ERBB4: variants seen among roughly 807,000 people sequenced by gnomAD.
The protein encoded by ERBB4 is erb-b2 receptor tyrosine kinase 4.
Under a neutral mutation model 158.0 loss-of-function variants are expected in ERBB4, and 42 were observed. The ratio of observed to expected loss-of-function variants is 0.27; its 90% CI spans 0.21 to 0.34. The LOEUF is 0.34. ERBB4 is among the 10% of genes least tolerant of loss of function. The pLI is 1.00. For missense variants in ERBB4, 1,333 were observed against 1,624.1 expected, an observed-to-expected ratio of 0.82 and a Z score of 3.08; for synonymous variants, 583 against 558.7, an observed-to-expected ratio of 1.04 and a Z score of -0.61.
At chr2:212,219,575 GA>G (rs930681988) in intron 1 of ERBB4, among the ~76,000 whole-genome samples, 77 of 151,064 alleles carry the variant, frequency 5.1e-4, no homozygotes, top group African/African-American at 1.8e-3. Context: ...AGAATGGGGG[GA>G]AAAATAAAAA....
intron 1 of ERBB4, among the ~76,000 whole-genome samples, chr2:212,499,134 T>C (rs1417601496): frequency 1.3e-5 from 2 of 152,050 alleles, no homozygotes; most frequent in Non-Finnish European, 2.9e-5. Context: ...GTTCAAGTAA[T>C]CAGTTGTTAA....
At chr2:212,377,126 C>T (rs888723391) in intron 1 of ERBB4, among the ~76,000 whole-genome samples, 4 of 150,764 alleles carry the variant, frequency 2.7e-5, no homozygotes, top group East Asian at 1.9e-4. Context: ...ATAGCTCTTA[C>T]GTGATACTGT....
At chr2:212,096,016 G>C (rs2078922960) in intron 2 of ERBB4, among the ~76,000 whole-genome samples, 1 of 150,754 alleles carries the variant, frequency 6.6e-6, no homozygotes, top group Non-Finnish European at 1.5e-5. Context: ...CGAGAACCCA[G>C]AGCTATTTTC....
intron 25 of ERBB4, among the ~76,000 whole-genome samples, chr2:211,411,546 A>G (rs534113354): frequency 2.2e-4 from 33 of 152,348 alleles, no homozygotes; most frequent in African/African-American, 7.9e-4. Context: ...CCACACCTCT[A>G]AAGTCAAACA....
At chr2:212,001,952 A>G (rs936424290) in intron 2 of ERBB4, among the ~76,000 whole-genome samples, 1 of 152,140 alleles carries the variant, frequency 6.6e-6, no homozygotes, top group African/African-American at 2.4e-5. Flanking sequence ...AATTACACAA[A>G]CTTGGTAGTA....
At chr2:211,607,672 A>T (rs923694267) in intron 19 of ERBB4, among the ~76,000 whole-genome samples, 1 of 152,120 alleles carries the variant, frequency 6.6e-6, no homozygotes, top group African/African-American at 2.4e-5. Context: ...AGCAACAGGC[A>T]CCAAAAAGAT....
chr2:211,810,996 G>T (rs1430135039), intron 3 of ERBB4, among the ~76,000 whole-genome samples: 2 of 152,158 alleles, frequency 1.3e-5, no homozygotes, highest in African/African-American at 2.4e-5. Flanking sequence ...TTTAATTGGG[G>T]TGTTCAGCCC....
At chr2:211,545,288 G>A (rs1219443541) in intron 20 of ERBB4, among the ~76,000 whole-genome samples, 2 of 152,068 alleles carry the variant, frequency 1.3e-5, no homozygotes, top group South Asian at 2.1e-4. Flanking sequence ...CACAAATTGA[G>A]TGCACCCATG....
Position 211,702,024 on chromosome 2 carries a change from A to G in ERBB4, c.1432T>C (p.Phe478Leu). ...ACTATTCTCTGGTTGATTGTGCTGA[A>G]GAGTGTTGTCCAGTTAATGGTATGA... is the stretch of plus-strand genomic sequence containing the variant. ...YYHTINWTTL[F>L]STINQRIVIR... Residue 478 changes from phenylalanine (F) to leucine (L), a missense_variant, in exon 12 of 28, where the codon TTC (phenylalanine) becomes CTC (leucine). Transcript: ENST00000342788. 6.2e-7 allele frequency: 1 copy of G among 1,614,044 alleles called. No individual in the cohort carries two copies. The highest frequency in any genetic ancestry group is 8.5e-7 in the Non-Finnish European group (1 of 1,179,958).
intron 1 of ERBB4, among the ~76,000 whole-genome samples, chr2:212,162,060 C>T (rs936011222): frequency 2.0e-5 from 3 of 151,828 alleles, no homozygotes; most frequent in Non-Finnish European, 4.4e-5. Flanking sequence ...TACTACATCT[C>T]TTCTATAACC....
intron 2 of ERBB4, among the ~76,000 whole-genome samples, chr2:211,974,408 A>C (rs1006532253): frequency 6.6e-6 from 1 of 152,202 alleles, no homozygotes; most frequent in Non-Finnish European, 1.5e-5. Context: ...GAAGAATAAA[A>C]GAAAAGAGCA....
At chr2:212,511,459 A>G (rs1691516036) in intron 1 of ERBB4, among the ~76,000 whole-genome samples, 1 of 152,102 alleles carries the variant, frequency 6.6e-6, no homozygotes, top group South Asian at 2.1e-4. Flanking sequence ...AAAATTTAGG[A>G]CAATTTTAAA....
intron 1 of ERBB4, among the ~76,000 whole-genome samples, chr2:212,384,642 G>C (rs187784737): frequency 3.3e-4 from 50 of 151,572 alleles, no homozygotes; most frequent in African/African-American, 1.1e-3. Flanking sequence ...AGCAATATAT[G>C]TACAAAAAAT....
At chr2:212,089,891 A>G (rs1019005915) in intron 2 of ERBB4, among the ~76,000 whole-genome samples, 2 of 152,128 alleles carry the variant, frequency 1.3e-5, no homozygotes, top group Admixed American at 6.6e-5. Flanking sequence ...GAGTATTTTA[A>G]TTGTTCTGAA....
chr2:211,527,845 T>TA (rs975447899), intron 20 of ERBB4, among the ~76,000 whole-genome samples: 5 of 151,688 alleles, frequency 3.3e-5, no homozygotes, highest in African/African-American at 1.2e-4. Context: ...CCTCAAATTT[T>TA]AAAAAAATGC....
intron 1 of ERBB4, among the ~76,000 whole-genome samples, chr2:212,310,385 C>T (rs575973478): frequency 2.4e-4 from 36 of 150,682 alleles, no homozygotes; most frequent in African/African-American, 8.7e-4. Context: ...GGGAACAAGG[C>T]GAAAACATTA....
At chr2:211,724,976 A>T (rs936487463) in intron 6 of ERBB4, 100 bp downstream of exon 6, 35 of 943,230 alleles carry the variant, frequency 3.7e-5, no homozygotes, top group Non-Finnish European at 5.6e-5. Context: ...AAAGTGGCTA[A>T]AGTTGATCTG....
chr2:211,911,585 T>A (rs895963242), intron 3 of ERBB4, among the ~76,000 whole-genome samples: 1 of 152,164 alleles, frequency 6.6e-6, no homozygotes, highest in Non-Finnish European at 1.5e-5. Context: ...CAATTTAGCG[T>A]ATCAATATTT....
At chr2:212,397,022 G>A (rs554904082) in intron 1 of ERBB4, among the ~76,000 whole-genome samples, 1 of 152,142 alleles carries the variant, frequency 6.6e-6, no homozygotes, top group East Asian at 1.9e-4. Context: ...AATTGGTATT[G>A]TATATTTATG....
Sources: allele counts gnomAD v4.1 joint callset (sites outside exome capture counted in the v4.1 genomes callset), GRCh38; gene constraint gnomAD v4.1.1; transcripts MANE v1.5; gene names NCBI Gene and HGNC (gene_info 2026-07-23, HGNC 2026-07-21).